Variants in TMEM14C observed in about 807,000 individuals in gnomAD.
TMEM14C encodes chromosome 6 open reading frame 53.
A neutral mutation model predicts 14.8 loss-of-function variants in TMEM14C; 13 were observed. That is an observed-to-expected ratio of 0.88 (90% CI 0.57 to 1.40). TMEM14C has a LOEUF of 1.40. Among genes scored for constraint, TMEM14C ranks in the 40% most tolerant of loss-of-function variants. The pLI, the probability that TMEM14C is intolerant of heterozygous loss-of-function variation, is 0.00. For synonymous variants in TMEM14C, 57 were observed against 51.3 expected (o/e 1.11, Z -0.48); for missense variants, 142 against 138.8 (o/e 1.02, Z -0.12).
At position 10,730,972 on chromosome 6, in the gene TMEM14C, G is replaced by C. The variant is rs1046255; in HGVS notation, c.*306G>C. On this transcript the variant is annotated 3_prime_UTR_variant, in exon 6 of 6. Coordinates refer to ENST00000229563, the MANE Select transcript of TMEM14C (RefSeq NM_016462.4). ...TAAAATGTTAGGTGTCAGCTTTCAG[G>C]GCTCTGAAACCCCATTCCCTGCTCT... The C allele has an allele frequency of 9.6e-7, 1 of 1,043,962 alleles. No homozygotes were observed. The highest frequency in any genetic ancestry group is 1.2e-6 in the Non-Finnish European group (1 of 868,446). 64.7% of individuals were successfully genotyped at this position (1,043,962 alleles called of 1,614,324 possible).
intron 3 of TMEM14C, 146 bp from the exon 4 acceptor site, chr6:10,725,761 C>T (rs1433617432): frequency 2.8e-5 from 26 of 914,658 alleles, no homozygotes; most frequent in East Asian, 8.0e-5. Flanking sequence ...CTCTCTGTAA[C>T]GTCTTCCTGC....
chr6:10,724,809 T>A (rs1012563604), intron 2 of TMEM14C, 152 bp from the exon 3 acceptor site: 1 of 1,288,534 alleles, frequency 7.8e-7, no homozygotes, highest in African/African-American at 1.5e-5. Context: ...TTTGCTGAGT[T>A]GTGTGACTCT....
chr6:10,727,025 C>G (rs1770883196), intron 4 of TMEM14C, among the ~76,000 whole-genome samples: 1 of 152,154 alleles, frequency 6.6e-6, no homozygotes, highest in South Asian at 2.1e-4. Context: ...CAGCTCCCTC[C>G]CTCATGCTCC....
In TMEM14C at chr6:10,728,791, T is replaced by G. The variant is rs141110176; in HGVS notation, c.287+64T>G. The G allele has an allele frequency of 4.9e-4, 783 of 1,609,608 alleles. 11 individuals carry two copies. The African/African-American group carries it at 9.3e-3, about 19-fold the overall frequency. The stretch of plus-strand genomic sequence containing the variant: ...TCAGTTTATTCCCCAGGATACCTTA[T>G]GCATTCAAAACCTTACTTGTTTCAG... On this transcript the variant is annotated intron_variant, in intron 5 of 5. Coordinates refer to ENST00000229563, the MANE Select transcript of TMEM14C (RefSeq NM_016462.4).
At position 10,731,038 on chromosome 6, in the gene TMEM14C, T is replaced by C; in HGVS notation, c.*372T>C. 1 of 991,674 alleles carries C rather than the reference T, an allele frequency of 1.0e-6. No homozygotes were observed. Among genetic ancestry groups the C allele is most frequent in the Non-Finnish European group, 1.2e-6 (1 of 834,058 alleles). 61.4% of individuals were successfully genotyped at this position (991,674 alleles called of 1,614,324 possible). A position where few individuals can be genotyped will look rare whatever the true frequency, so the allele number is the denominator to read the frequency against. The stretch of plus-strand genomic sequence containing the variant: ...AAAAAGTCTTTTAGGAGATTTACAA[T>C]ATCTGTTCTTTTGCTCATCTTAGAC... On this transcript the variant is annotated 3_prime_UTR_variant, in exon 6 of 6. Coordinates refer to ENST00000229563, the MANE Select transcript of TMEM14C (RefSeq NM_016462.4).
chr6:10,727,696 C>T (rs1266385161), intron 4 of TMEM14C, among the ~76,000 whole-genome samples: 2 of 151,988 alleles, frequency 1.3e-5, no homozygotes, highest in African/African-American at 4.8e-5. Context: ...TGGCGGACGC[C>T]TGTAGTCCGA....
intron 5 of TMEM14C, among the ~76,000 whole-genome samples, chr6:10,729,635 G>C (rs1415585212): frequency 6.6e-6 from 1 of 152,014 alleles, no homozygotes; most frequent in East Asian, 1.9e-4. Flanking sequence ...AAATTAGCTG[G>C]TTATGGTAGT....
In TMEM14C at chr6:10,730,765, C is replaced by A. The variant is rs1378324512; in HGVS notation, c.*99C>A. The stretch of plus-strand genomic sequence containing the variant: ...AGAAATAAGTGCAGCATTTTTGCAT[C>A]TGACATTTTACCTAAAAAAAAAGAC... On this transcript the variant is annotated 3_prime_UTR_variant, in exon 6 of 6. Transcript: ENST00000229563. 68 of 1,424,062 alleles carry A rather than the reference C, an allele frequency of 4.8e-5. No homozygotes were observed. Among genetic ancestry groups the A allele is most frequent in the Non-Finnish European group, 6.3e-5 (68 of 1,079,464 alleles). The allele number at this position is 1,424,062 out of a possible 1,614,324, so 88.2% of individuals were successfully genotyped here.
At chr6:10,723,356 GT>G (rs1770745839) in intron 1 of TMEM14C, 115 bp downstream of exon 1, 2 of 152,270 alleles carry the variant, frequency 1.3e-5, no homozygotes, top group Non-Finnish European at 2.9e-5. Flanking sequence ...CCTTCAGGCC[GT>G]GTGGTCGGTG....
chr6:10,726,071 C>T (rs760764302), intron 4 of TMEM14C, 63 bp downstream of exon 4: 187 of 1,590,176 alleles, frequency 1.2e-4, no homozygotes, highest in Middle Eastern at 1.7e-4. Context: ...TTCCAAAAGA[C>T]CCTGGTTTGG....
rs766345535 is a variant in TMEM14C, at chr6:10,728,628, G to C, written c.200-12G>C. 1.2e-6 allele frequency: 2 copies of C among 1,613,586 alleles called. No individual in the cohort carries two copies. The highest frequency in any genetic ancestry group is 1.1e-5 in the South Asian group (1 of 91,058). On this transcript the variant is annotated splice_polypyrimidine_tract_variant and intron_variant, in intron 4 of 5. Coordinates refer to ENST00000229563, the MANE Select transcript of TMEM14C (RefSeq NM_016462.4). ...AATGAGTTTTAACACTTCTTTATAT[G>C]TTTTTCATCAGCTACATCTGGTACC...
intron 5 of TMEM14C, 93 bp from the exon 6 acceptor site, chr6:10,730,522 C>T: frequency 8.0e-7 from 1 of 1,246,988 alleles, no homozygotes; most frequent in Non-Finnish European, 1.1e-6. Context: ...CTCCCCCACG[C>T]AGTTGTGAGG....
At chr6:10,723,380 G>A (rs1325340322) in intron 1 of TMEM14C, 139 bp downstream of exon 1, 2 of 152,244 alleles carry the variant, frequency 1.3e-5, no homozygotes. Flanking sequence ...TTTCTCGTTG[G>A]GTATTTTCTG....
chr6:10,727,698 G>A (rs1473347644), intron 4 of TMEM14C, among the ~76,000 whole-genome samples: 1 of 152,038 alleles, frequency 6.6e-6, no homozygotes, highest in African/African-American at 2.4e-5. Context: ...GCGGACGCCT[G>A]TAGTCCGAGT....
chr6:10,726,797 C>T (rs1770876783), intron 4 of TMEM14C, among the ~76,000 whole-genome samples: 1 of 152,232 alleles, frequency 6.6e-6, no homozygotes, highest in Non-Finnish European at 1.5e-5. Context: ...ATCAGAGTGG[C>T]TTTCAGTACA....
At chr6:10,727,705 G>T (rs1406528602) in intron 4 of TMEM14C, among the ~76,000 whole-genome samples, 1 of 151,870 alleles carries the variant, frequency 6.6e-6, no homozygotes, top group African/African-American at 2.4e-5. Context: ...CCTGTAGTCC[G>T]AGTTACTCAG....
intron 1 of TMEM14C, among the ~76,000 whole-genome samples, chr6:10,723,977 G>A (rs1770773964): frequency 6.6e-6 from 1 of 152,122 alleles, no homozygotes; most frequent in Non-Finnish European, 1.5e-5. Context: ...GATACTTTCT[G>A]TAAGAAAATA....
rs1770846942 is a variant in TMEM14C, at chr6:10,725,927, G to A, written c.118G>A (p.Ala40Thr). 6.2e-7 allele frequency: 1 copy of A among 1,613,864 alleles called. No individual in the cohort carries two copies. The highest frequency in any genetic ancestry group is 1.3e-5 in the African/African-American group (1 of 74,936). ...VKAGSVPSLA[A>T]GLLFGSLAGL... The stretch of plus-strand genomic sequence containing the variant: ...TCTAGGCAGCGTGCCGTCCCTGGCT[G>A]CAGGGCTGCTCTTTGGCAGTCTAGC... Residue 40 changes from alanine to threonine, a missense_variant, in exon 4 of 6, where the codon GCA (alanine) becomes ACA (threonine). Coordinates refer to ENST00000229563, the MANE Select transcript of TMEM14C (RefSeq NM_016462.4).
At position 10,724,975 on chromosome 6, in the gene TMEM14C, G is replaced by A. The variant is rs781579263; in HGVS notation, c.35G>A (p.Trp12Ter). Residue 12 changes from tryptophan (W) to a stop codon, truncating the protein, a stop_gained, in exon 3 of 6, where the codon TGG (tryptophan) becomes TAG (stop). Coordinates refer to ENST00000229563, the MANE Select transcript of TMEM14C (RefSeq NM_016462.4). LOFTEE classifies it high-confidence loss of function. ...QDTGSVVPLH[W>*]FGFGYAALVA... The stretch of plus-strand genomic sequence containing the variant: ...TGTGTTTTCAGAGTGCCTTTGCATT[G>A]GTTTGGCTTTGGCTACGCAGCACTG... The A allele has an allele frequency of 6.2e-7, 1 of 1,614,214 alleles. No individual in the cohort carries two copies. The highest frequency in any genetic ancestry group is 2.2e-5 in the East Asian group (1 of 44,894).
Sources: gnomAD v4.1 joint callset for allele counts (sites outside exome capture counted in the v4.1 genomes callset) on GRCh38, gnomAD v4.1.1 for gene constraint, MANE v1.5 for transcripts, NCBI Gene and HGNC (gene_info 2026-07-23, HGNC 2026-07-21) for gene names.